Variants in ARID1B observed in about 807,000 individuals in gnomAD.
The protein encoded by ARID1B is AT-rich interaction domain 1B.
Under a neutral mutation model 212.3 loss-of-function variants are expected in ARID1B, and 30 were observed. That is an observed-to-expected ratio of 0.14 (90% confidence interval 0.11 to 0.19). The LOEUF is 0.19. Ranked by LOEUF, ARID1B falls within the 10% of genes least tolerant of loss-of-function variation. ARID1B has a pLI of 1.00. For missense variants in ARID1B, 2,891 were observed against 3,204.0 expected, an observed-to-expected ratio of 0.90 and a Z score of 2.36; for synonymous variants, 1,402 against 1,301.7, an observed-to-expected ratio of 1.08 and a Z score of -1.66.
At chr6:156,992,039 A>G (rs1583096763) in intron 4 of ARID1B, among the ~76,000 whole-genome samples, 1 of 152,226 alleles carries the variant, frequency 6.6e-6, no homozygotes, top group Non-Finnish European at 1.5e-5. Flanking sequence ...GTAACCTTAG[A>G]CATAGGCATT....
chr6:156,843,119 T>G (rs1359276776), intron 2 of ARID1B, among the ~76,000 whole-genome samples: 1 of 152,178 alleles, frequency 6.6e-6, no homozygotes, highest in Non-Finnish European at 1.5e-5. Flanking sequence ...TCATAGTGCC[T>G]CCCACCCCAT....
chr6:156,866,470 C>G lies in ARID1B; in HGVS notation c.1987-34906C>G, dbSNP rs1253579836. Among the ~76,000 whole-genome samples the G allele has an allele frequency of 2.6e-5, 4 of 152,194 alleles. No homozygotes were observed. The East Asian group carries it at 7.7e-4, about 29-fold the overall frequency. On this transcript the variant is annotated intron_variant, in intron 2 of 19. Transcript: ENST00000636930. ...GGTAAGTTAGTTACTATTTGTCCAT[C>G]TGTTTCTAGCTTCCAAAATTTTTGG...
chr6:157,055,551 A>C (rs1782905681), intron 4 of ARID1B, among the ~76,000 whole-genome samples: 1 of 152,236 alleles, frequency 6.6e-6, no homozygotes. Flanking sequence ...AACTTTAACA[A>C]AAAGGAAAAT....
At chr6:157,035,078 A>C (rs1375475527) in intron 4 of ARID1B, among the ~76,000 whole-genome samples, 1 of 152,168 alleles carries the variant, frequency 6.6e-6, no homozygotes, top group Non-Finnish European at 1.5e-5. Flanking sequence ...TCTAAATTTC[A>C]CACGAAAGCT....
At chr6:156,776,361 AGAGTT>A (rs1271841543), upstream of ARID1B, 1 of 152,238 alleles carries the variant, frequency 6.6e-6, no homozygotes, top group Non-Finnish European at 1.5e-5. Context: ...CATTAGGACT[AGAGTT>A]GACTGTTTTA....
chr6:157,114,544 A>T (rs1008960536), intron 6 of ARID1B, among the ~76,000 whole-genome samples: 6 of 149,864 alleles, frequency 4.0e-5, no homozygotes, highest in Admixed American at 4.0e-4. Flanking sequence ...AAAAAAAAAA[A>T]AAAAAAAGGT....
intron 4 of ARID1B, among the ~76,000 whole-genome samples, chr6:156,990,781 T>G (rs890656851): frequency 6.6e-6 from 1 of 152,166 alleles, no homozygotes; most frequent in Non-Finnish European, 1.5e-5. Flanking sequence ...TGTGAGCAGC[T>G]GTGTCAGGCC....
At chr6:156,957,598 A>G (rs966759684) in intron 4 of ARID1B, among the ~76,000 whole-genome samples, 17 of 152,208 alleles carry the variant, frequency 1.1e-4, no homozygotes, top group Admixed American at 7.9e-4. Flanking sequence ...TTTGGACCCT[A>G]TGGTTTGGTA....
chr6:156,895,509 A>T (rs1788307616), intron 2 of ARID1B, among the ~76,000 whole-genome samples: 1 of 152,118 alleles, frequency 6.6e-6, no homozygotes, highest in Admixed American at 6.5e-5. Flanking sequence ...CTTTGAGCTG[A>T]GTCTCTTTTC....
chr6:157,080,414 G>A (rs1784568262), intron 4 of ARID1B, among the ~76,000 whole-genome samples: 1 of 152,156 alleles, frequency 6.6e-6, no homozygotes, highest in African/African-American at 2.4e-5. Flanking sequence ...TTGATGTGTA[G>A]CAAGTCGTCA....
At chr6:157,192,678 C>T (rs1793465806) in intron 15 of ARID1B, among the ~76,000 whole-genome samples, 1 of 152,178 alleles carries the variant, frequency 6.6e-6, no homozygotes, top group Admixed American at 6.5e-5. Context: ...ATGTTGTTTT[C>T]ATCAACCATG....
intron 4 of ARID1B, among the ~76,000 whole-genome samples, 174 bp from the exon 5 acceptor site, chr6:157,084,488 A>G (rs1416021137): frequency 6.6e-6 from 1 of 152,180 alleles, no homozygotes; most frequent in Admixed American, 6.5e-5. Flanking sequence ...TATTGGTTCA[A>G]CTTACAAATG....
At chr6:157,083,545 T>A (rs767957848) in intron 4 of ARID1B, among the ~76,000 whole-genome samples, 5 of 152,176 alleles carry the variant, frequency 3.3e-5, no homozygotes, top group African/African-American at 4.8e-5. Flanking sequence ...TCCTCTCTCA[T>A]CTTCCCCTTT....
intron 5 of ARID1B, among the ~76,000 whole-genome samples, chr6:157,100,930 T>C (rs535699517): frequency 6.6e-6 from 1 of 152,242 alleles, no homozygotes; most frequent in African/African-American, 2.4e-5. Context: ...TATAGTGTAA[T>C]TACTAGTGGG....
At chr6:157,067,617 A>G (rs1258988145) in intron 4 of ARID1B, among the ~76,000 whole-genome samples, 2 of 152,302 alleles carry the variant, frequency 1.3e-5, no homozygotes, top group South Asian at 2.1e-4. Flanking sequence ...AAGATTTTCA[A>G]TAATATTTAT....
At chr6:156,913,768 C>G (rs1790109956) in intron 3 of ARID1B, among the ~76,000 whole-genome samples, 1 of 150,358 alleles carries the variant, frequency 6.7e-6, no homozygotes, top group Admixed American at 6.6e-5. Context: ...ATGGTACCCC[C>G]ATTCCACTCT....
chr6:157,084,800 C>G lies in ARID1B; in HGVS notation c.2386C>G (p.Pro796Ala), dbSNP rs1351212592. ...GTCGCCTTTCTCCCCACATGCGTCC[C>G]CTCATCTCTCCAGCATCCCGGGGGG... ...AQSPFSPHAS[P>A]HLSSIPGGPS... is the part of the protein sequence containing the mutation. Residue 796 changes from proline (P) to alanine (A), a missense_variant, in exon 5 of 20, where the codon CCT becomes GCT. Physicochemically the swap from Pro to Ala is conservative, Grantham distance 27. Coordinates refer to ENST00000636930, the MANE Select transcript of ARID1B (RefSeq NM_001374828.1). 1 of 1,614,050 alleles carries G rather than the reference C, an allele frequency of 6.2e-7. No homozygotes were observed. Among genetic ancestry groups the G allele is most frequent in the Non-Finnish European group, 8.5e-7 (1 of 1,179,924 alleles).
chr6:157,163,642 C>A (rs138001350), intron 8 of ARID1B, among the ~76,000 whole-genome samples: 5,381 of 152,266 alleles, frequency 0.035, 323 homozygotes, highest in African/African-American at 0.12. Flanking sequence ...GCCCAGTAGG[C>A]CTGCAGCAGG....
At chr6:156,867,926 G>A (rs936509050) in intron 2 of ARID1B, among the ~76,000 whole-genome samples, 1 of 152,236 alleles carries the variant, frequency 6.6e-6, no homozygotes, top group Non-Finnish European at 1.5e-5. Flanking sequence ...ACGAGTTGCT[G>A]TATTCACGTC....
Sources: allele counts gnomAD v4.1 joint callset (sites outside exome capture counted in the v4.1 genomes callset), GRCh38; gene constraint gnomAD v4.1.1; transcripts MANE v1.5; gene names NCBI Gene and HGNC (gene_info 2026-07-23, HGNC 2026-07-21).